ZNF175: variants seen among roughly 807,000 people sequenced by gnomAD.
The protein encoded by ZNF175 is zinc finger protein OTK18.
A neutral mutation model predicts 14.0 loss-of-function variants in ZNF175; 8 were observed. That is an observed-to-expected ratio of 0.57 (90% confidence interval 0.34 to 1.03). The LOEUF (loss-of-function observed/expected upper bound fraction) is 1.03, where lower values mean the gene tolerates loss of function less well. Among genes scored for constraint, ZNF175 ranks in the 50% least tolerant of loss-of-function variants. The probability of loss-of-function intolerance (pLI) is 0.03; values close to 1 mark genes in which losing one functional copy is unlikely to be tolerated. For synonymous variants in ZNF175, 255 were observed against 296.8 expected (o/e 0.86, Z 1.45); for missense variants, 764 against 849.5 (o/e 0.90, Z 1.25).
At position 51,590,692 on chromosome 19, in the gene ZNF175, C is replaced by T. The variant is rs943871799; in HGVS notation, c.*2225C>T. On this transcript the variant is annotated 3_prime_UTR_variant, in exon 5 of 5. Transcript: ENST00000262259. Reference sequence around the variant, plus strand: ...CTCTCCCTGTCCAGGGGCGTAGTATCAGTGACCATGTCCCACCTCCTGAGA... The same window carrying T: ...CTCTCCCTGTCCAGGGGCGTAGTATTAGTGACCATGTCCCACCTCCTGAGA... The T allele has an allele frequency of 6.6e-6, 1 of 152,336 alleles. No individual in the cohort carries two copies. Among genetic ancestry groups the T allele is most frequent in the African/African-American group, 2.4e-5 (1 of 41,416 alleles). The allele number at this position is 152,336 out of a possible 1,614,324, so 9.4% of individuals were successfully genotyped here.
Position 51,577,374 on chromosome 19 carries a change from A to C in ZNF175, c.72+3973A>C, listed in dbSNP as rs79611818. Among the ~76,000 whole-genome samples, 394 of 152,146 alleles carry C rather than the reference A, an allele frequency of 2.6e-3. 15 individuals carry two copies. In the East Asian group the frequency reaches 0.045, roughly 17 times the overall value. On this transcript the variant is annotated intron_variant, in intron 2 of 4. Transcript: ENST00000262259. ...TTAGTCTCCATTTAAAAGGGTTTTT[A>C]TGCTCTGTCATTTTCTATTTCTTTG... is the stretch of plus-strand genomic sequence containing the variant.
chr19:51,589,522 A>G lies in ZNF175; in HGVS notation c.*1055A>G. 1 of 701,540 alleles carries G rather than the reference A, an allele frequency of 1.4e-6. No homozygotes were observed. The allele number at this position is 701,540 out of a possible 1,614,324, so 43.5% of individuals were successfully genotyped here. ...GATTCTATAATGTTTACTGATCTTT[A>G]TATTACAGATTTTCTCTTCTTTTAG... is the stretch of plus-strand genomic sequence containing the variant. On this transcript the variant is annotated 3_prime_UTR_variant, in exon 5 of 5. Transcript: ENST00000262259.
chr19:51,578,400 C>CA (rs745592158), intron 2 of ZNF175, among the ~76,000 whole-genome samples: 1 of 66,388 alleles, frequency 1.5e-5, no homozygotes, highest in Non-Finnish European at 3.1e-5. Context: ...AACTCCATCT[C>CA]AAAAAAAAAG....
intron 2 of ZNF175, 45 bp downstream of exon 2, chr19:51,573,446 C>T (rs766663171): frequency 1.3e-6 from 2 of 1,596,248 alleles, no homozygotes; most frequent in South Asian, 2.2e-5. Flanking sequence ...AACGTGAGGG[C>T]AGACACAGGA....
chr19:51,574,811 T>G (rs1189676318), intron 2 of ZNF175, among the ~76,000 whole-genome samples: 4 of 152,208 alleles, frequency 2.6e-5, no homozygotes, highest in Non-Finnish European at 5.9e-5. Context: ...AGGACACATG[T>G]TCAATATAAG....
chr19:51,587,971 G>C lies in ZNF175; in HGVS notation c.1640G>C (p.Ser547Thr). The C allele has an allele frequency of 6.2e-7, 1 of 1,613,882 alleles. No individual in the cohort carries two copies. Among genetic ancestry groups the C allele is most frequent in the Non-Finnish European group, 8.5e-7 (1 of 1,179,940 alleles). ...GCCTTCAACCAGAAGTCAATACTCA[G>C]CATGCATCAGAGAATTCACACCGGA... ...GKAFNQKSILSMHQRIHTGEK... is the reference protein window; with the variant it reads ...GKAFNQKSILTMHQRIHTGEK... Residue 547 changes from serine (S) to threonine (T), a missense_variant, in exon 5 of 5, where the codon AGC becomes ACC. Ser to Thr is a moderately conservative substitution (Grantham distance 58). Transcript: ENST00000262259.
At position 51,592,231 on chromosome 19, in the gene ZNF175, G is replaced by A; in HGVS notation, c.*3764G>A. The A allele has an allele frequency of 5.2e-6, 1 of 191,294 alleles. No homozygotes were observed. 11.8% of individuals were successfully genotyped at this position (191,294 alleles called of 1,614,324 possible). On this transcript the variant is annotated 3_prime_UTR_variant, in exon 5 of 5. Transcript: ENST00000262259. ...AGTAGTAGTTAGGCTCATGGGCTCT[G>A]GAGCCAACCTACCTGGATGCTACAC...
At chr19:51,584,428 T>C (rs1408204053) in intron 4 of ZNF175, among the ~76,000 whole-genome samples, 1 of 152,102 alleles carries the variant, frequency 6.6e-6, no homozygotes, top group African/African-American at 2.4e-5. Context: ...TGTTGGAGAG[T>C]TGTGGAAAAG....
At chr19:51,580,671 C>T (rs1016064805) in intron 2 of ZNF175, among the ~76,000 whole-genome samples, 1 of 152,158 alleles carries the variant, frequency 6.6e-6, no homozygotes, top group African/African-American at 2.4e-5. Context: ...GGCACCAGCC[C>T]ACTTCTTTGG....
chr19:51,581,305 C>T, intron 2 of ZNF175, 86 bp from the exon 3 acceptor site: 3 of 1,596,260 alleles, frequency 1.9e-6, no homozygotes. Context: ...TGGTGAAAAT[C>T]ATTAAAAGCA....
chr19:51,588,100 C>A lies in ZNF175; in HGVS notation c.1769C>A (p.Thr590Asn), dbSNP rs1326287697. The change falls in exon 5 of 5, where the codon ACT becomes AAT. Residue 590 changes from threonine to asparagine, a missense_variant. Thr to Asn is a moderately conservative substitution (Grantham distance 65). Transcript: ENST00000262259. ...ACGGGTGAGAAACCCTATGTGTGCA[C>A]TGAATGTGGGAAGGCCTTCAACGGC... ...IHTGEKPYVC[T>N]ECGKAFNGRS... 6.2e-7 allele frequency: 1 copy of A among 1,614,092 alleles called. No homozygotes were observed. Among genetic ancestry groups the A allele is most frequent in the Middle Eastern group, 1.6e-4 (1 of 6,062 alleles).
At chr19:51,577,825 A>G (rs563524643) in intron 2 of ZNF175, among the ~76,000 whole-genome samples, 154 of 151,516 alleles carry the variant, frequency 1.0e-3, no homozygotes, top group Admixed American at 1.6e-3. Flanking sequence ...CACCACACCA[A>G]GCTAATTTTT....
chr19:51,579,937 T>A (rs556393804), intron 2 of ZNF175, among the ~76,000 whole-genome samples: 17 of 152,172 alleles, frequency 1.1e-4, no homozygotes, highest in African/African-American at 4.1e-4. Flanking sequence ...ATGTAAAGCA[T>A]CTCATCTCGA....
intron 2 of ZNF175, among the ~76,000 whole-genome samples, chr19:51,579,525 C>G (rs920926096): frequency 9.9e-5 from 15 of 152,004 alleles, no homozygotes; most frequent in Admixed American, 5.9e-4. Context: ...AGATGCTCAG[C>G]TTCATTAGTC....
rs1358937818 is a variant in ZNF175 at position 51,591,393 on chromosome 19, A to G, written c.*2926A>G. ...ATTGATGGGTCCCAGGGAGCTATCT[A>G]AAGTTTTCAGTCACATGAGGGCATG... is the stretch of plus-strand genomic sequence containing the variant. On this transcript the variant is annotated 3_prime_UTR_variant, in exon 5 of 5. Coordinates refer to ENST00000262259, the MANE Select transcript of ZNF175 (RefSeq NM_007147.4). 1 of 152,260 alleles carries G rather than the reference A, an allele frequency of 6.6e-6. No homozygotes were observed. Among genetic ancestry groups the G allele is most frequent in the African/African-American group, 2.4e-5 (1 of 41,452 alleles). 9.4% of individuals were successfully genotyped at this position (152,260 alleles called of 1,614,324 possible).
At chr19:51,578,209 C>T (rs1186027001) in intron 2 of ZNF175, among the ~76,000 whole-genome samples, 1 of 150,390 alleles carries the variant, frequency 6.6e-6, no homozygotes, top group South Asian at 2.1e-4. Context: ...CCAGCCTGGC[C>T]AACATGGTGA....
Position 51,589,874 on chromosome 19 carries a change from TACAC to T in ZNF175, c.*1413_*1416del. ...ACAGAAAATGTTTGCCAGCACATGA[TACAC>T]ACACAAACACACACACATACACACA... On this transcript the variant is annotated 3_prime_UTR_variant, in exon 5 of 5. Transcript: ENST00000262259. 2.0e-6 allele frequency: 1 copy of T among 500,304 alleles called. No homozygotes were observed. The highest frequency in any genetic ancestry group is 3.5e-6 in the Non-Finnish European group (1 of 281,972). 31.0% of individuals were successfully genotyped at this position (500,304 alleles called of 1,614,324 possible). A position where few individuals can be genotyped will look rare whatever the true frequency, so the allele number is the denominator to read the frequency against.
intron 2 of ZNF175, among the ~76,000 whole-genome samples, chr19:51,578,439 T>G (rs925319729): frequency 6.6e-6 from 1 of 151,878 alleles, no homozygotes; most frequent in Non-Finnish European, 1.5e-5. Flanking sequence ...GAAAAGATTC[T>G]TGTTACACAT....
chr19:51,584,310 A>C (rs746543950), intron 4 of ZNF175, among the ~76,000 whole-genome samples: 1 of 152,228 alleles, frequency 6.6e-6, no homozygotes, highest in Non-Finnish European at 1.5e-5. Flanking sequence ...TTTTGAATTG[A>C]AACAAAGAAG....
Sources: gnomAD v4.1 joint callset for allele counts (sites outside exome capture counted in the v4.1 genomes callset) on GRCh38, gnomAD v4.1.1 for gene constraint, MANE v1.5 for transcripts, NCBI Gene and HGNC (gene_info 2026-07-23, HGNC 2026-07-21) for gene names.